Variants in AKNAD1 observed in about 807,000 individuals in gnomAD.
AKNAD1 encodes the protein protein AKNAD1.
AKNAD1 carries 67 observed loss-of-function variants against 90.8 expected under a neutral mutation model. That is an observed-to-expected ratio of 0.74 (90% CI 0.61 to 0.90). The LOEUF is 0.90. Ranked by LOEUF, AKNAD1 falls within the 40% of genes least tolerant of loss-of-function variation. The probability of loss-of-function intolerance (pLI) is 0.00; values close to 1 mark genes in which losing one functional copy is unlikely to be tolerated. For synonymous variants in AKNAD1, 327 were observed against 341.4 expected, an observed-to-expected ratio of 0.96 and a Z score of 0.46; for missense variants, 957 against 975.4, an observed-to-expected ratio of 0.98 and a Z score of 0.25.
At chr1:108,820,659 T>C (rs762403263) in intron 13 of AKNAD1, 33 bp from the exon 14 acceptor site, 1 of 1,388,972 alleles carries the variant, frequency 7.2e-7, no homozygotes, top group South Asian at 1.2e-5. Flanking sequence ...AAATTCAGAG[T>C]ATCAAAAATG....
chr1:108,837,821 G>A, intron 6 of AKNAD1, 115 bp from the exon 7 acceptor site: 1 of 1,206,952 alleles, frequency 8.3e-7, no homozygotes, highest in Non-Finnish European at 1.2e-6. Flanking sequence ...CCTGTCTTCT[G>A]TCACAAAGGA....
At chr1:108,850,376 G>A (rs1330447921) in intron 2 of AKNAD1, among the ~76,000 whole-genome samples, 1 of 152,162 alleles carries the variant, frequency 6.6e-6, no homozygotes, top group Non-Finnish European at 1.5e-5. Flanking sequence ...AGGGAGAAGA[G>A]CCTGATATCC....
Position 108,851,660 on chromosome 1 carries a change from T to C in AKNAD1, c.993+12A>G, listed in dbSNP as rs1294222712. ...CCCAATTAATGTGTTTACAGGAGAC[T>C]GTTTCATTTACCTGGATTTGTTGTG... On this transcript the variant is annotated intron_variant, in intron 2 of 15. Transcript: ENST00000370001. 6.4e-7 allele frequency: 1 copy of C among 1,569,040 alleles called. No homozygotes were observed. Among genetic ancestry groups the C allele is most frequent in the Admixed American group, 1.9e-5 (1 of 51,916 alleles).
intron 9 of AKNAD1, among the ~76,000 whole-genome samples, chr1:108,832,055 C>T (rs1664216099): frequency 6.6e-6 from 1 of 152,106 alleles, no homozygotes; most frequent in African/African-American, 2.4e-5. Flanking sequence ...CCCTTATAGT[C>T]TCCTTAATAC....
intron 14 of AKNAD1, 119 bp from the exon 15 acceptor site, chr1:108,817,296 C>T (rs555135059): frequency 2.3e-6 from 3 of 1,304,690 alleles, no homozygotes; most frequent in East Asian, 2.5e-5. Flanking sequence ...TGGATTCGTG[C>T]ACCCGCTGCC....
intron 14 of AKNAD1, among the ~76,000 whole-genome samples, chr1:108,818,788 C>T (rs1663713884): frequency 6.6e-6 from 1 of 151,902 alleles, no homozygotes; most frequent in Non-Finnish European, 1.5e-5. Flanking sequence ...CATAGCGAAA[C>T]CCCGTCTCTA....
intron 5 of AKNAD1, among the ~76,000 whole-genome samples, chr1:108,844,135 G>A (rs1277015): frequency 0.59 from 89,201 of 151,982 alleles, 28,620 homozygotes; most frequent in East Asian, 0.77. Context: ...GGCCGAAGTG[G>A]GCAGATCATT....
chr1:108,830,670 G>C lies in AKNAD1; in HGVS notation c.1747-20C>G. 1 of 1,612,562 alleles carries C rather than the reference G, an allele frequency of 6.2e-7. No individual in the cohort carries two copies. The highest frequency in any genetic ancestry group is 2.2e-5 in the East Asian group (1 of 44,870). Reference sequence around the variant, plus strand: ...ATCCTCCTGCGCCACAAAGCACACAGATGGAGATGTGATAGAGGATGTGAC... The same window carrying C: ...ATCCTCCTGCGCCACAAAGCACACACATGGAGATGTGATAGAGGATGTGAC... On this transcript the variant is annotated intron_variant, in intron 9 of 15. Coordinates refer to ENST00000370001, the MANE Select transcript of AKNAD1 (RefSeq NM_152763.5).
chr1:108,842,449 C>T (rs1664578655), intron 6 of AKNAD1, among the ~76,000 whole-genome samples: 2 of 152,152 alleles, frequency 1.3e-5, no homozygotes, highest in Non-Finnish European at 2.9e-5. Context: ...AAGGAGAATA[C>T]AGTGCCATAA....
intron 9 of AKNAD1, 141 bp from the exon 10 acceptor site, chr1:108,830,791 G>T: frequency 1.4e-6 from 1 of 732,624 alleles, no homozygotes; most frequent in Non-Finnish European, 2.3e-6. Context: ...CTCTCCTCCA[G>T]TTGGGGAAAG....
chr1:108,816,331 T>A (rs1208600038), intron 15 of AKNAD1, 29 bp from the exon 16 acceptor site: 1 of 1,595,876 alleles, frequency 6.3e-7, no homozygotes, highest in Non-Finnish European at 8.5e-7. Flanking sequence ...CACATTTTAA[T>A]TACATAAACT....
intron 6 of AKNAD1, among the ~76,000 whole-genome samples, chr1:108,840,612 A>G (rs1483229076): frequency 6.6e-6 from 1 of 152,228 alleles, no homozygotes; most frequent in East Asian, 1.9e-4. Flanking sequence ...ACACTAACCT[A>G]TAATAGTTTA....
chr1:108,854,260 C>A (rs1664967627), intron 1 of AKNAD1, among the ~76,000 whole-genome samples: 1 of 152,152 alleles, frequency 6.6e-6, no homozygotes. Context: ...GGGATGATTC[C>A]TCAGAAGTAG....
At chr1:108,844,817 CTT>C (rs58471346) in intron 5 of AKNAD1, among the ~76,000 whole-genome samples, 8 of 145,138 alleles carry the variant, frequency 5.5e-5, no homozygotes, top group Non-Finnish European at 4.5e-5. Flanking sequence ...ATTATTAATT[CTT>C]TTTTTTTTTT....
At chr1:108,854,359 G>A (rs889168141) in intron 1 of AKNAD1, among the ~76,000 whole-genome samples, 6 of 152,140 alleles carry the variant, frequency 3.9e-5, no homozygotes, top group African/African-American at 1.2e-4. Context: ...AGCCTCCCTT[G>A]CCCATACAAT....
At chr1:108,850,928 A>G (rs939657225) in intron 2 of AKNAD1, among the ~76,000 whole-genome samples, 22 of 152,152 alleles carry the variant, frequency 1.4e-4, no homozygotes, top group African/African-American at 5.1e-4. Flanking sequence ...GGGGAATAGC[A>G]TAAATTAAGC....
In AKNAD1 at chr1:108,823,706, G is replaced by T; in HGVS notation, c.1937-18C>A. On this transcript the variant is annotated intron_variant, in intron 11 of 15. Coordinates refer to ENST00000370001, the MANE Select transcript of AKNAD1 (RefSeq NM_152763.5). ...ATCAGAATCTGAAAAAGCCCAAGTT[G>T]CATGAATGAAGGGTAAGTGTCTTGA... 2 of 1,614,040 alleles carry T rather than the reference G, an allele frequency of 1.2e-6. No homozygotes were observed. Among genetic ancestry groups the T allele is most frequent in the Non-Finnish European group, 1.7e-6 (2 of 1,179,920 alleles).
chr1:108,855,456 T>C (rs1665003533), intron 1 of AKNAD1, among the ~76,000 whole-genome samples: 2 of 150,008 alleles, frequency 1.3e-5, no homozygotes, highest in South Asian at 4.2e-4. Context: ...AAGACAATTT[T>C]AAAACTCAAT....
intron 14 of AKNAD1, among the ~76,000 whole-genome samples, chr1:108,818,345 T>C (rs1663695069): frequency 6.6e-6 from 1 of 152,160 alleles, no homozygotes; most frequent in Non-Finnish European, 1.5e-5. Flanking sequence ...GTTCTGCAAG[T>C]TATTTTAACA....
Sources: gnomAD v4.1 joint callset for allele counts (sites outside exome capture counted in the v4.1 genomes callset) on GRCh38, gnomAD v4.1.1 for gene constraint, MANE v1.5 for transcripts, NCBI Gene and HGNC (gene_info 2026-07-23, HGNC 2026-07-21) for gene names.